Variants in SYN1 observed in about 807,000 individuals in gnomAD.
SYN1 encodes synapsin-1.
SYN1 carries 8 observed loss-of-function variants against 44.6 expected under a neutral mutation model. That is an observed-to-expected ratio of 0.18 (90% CI 0.11 to 0.32). The LOEUF (loss-of-function observed/expected upper bound fraction) is 0.32. SYN1 is among the 10% of genes least tolerant of loss of function. The pLI is 1.00. For missense variants in SYN1, 451 were observed against 639.4 expected, an observed-to-expected ratio of 0.71 and a Z score of 3.18; for synonymous variants, 275 against 280.1, an observed-to-expected ratio of 0.98 and a Z score of 0.18.
intron 1 of SYN1, among the ~76,000 whole-genome samples, chrX:47,609,342 C>T (rs1045204002): frequency 7.2e-5 from 8 of 111,855 alleles, no homozygotes; most frequent in Non-Finnish European, 1.1e-4. Flanking sequence ...ATGGTCTGGT[C>T]TATGAAGGGA....
Position 47,586,621 on chromosome X carries a change from G to A in SYN1, c.775-9120C>T, listed in dbSNP as rs141512610. ...GGCTCTGAAAAGGGCTTCCAGTCCCGTCACCTTGCCTGCCTGCCTCGGGAG... is the reference window on the plus strand; with the variant it reads ...GGCTCTGAAAAGGGCTTCCAGTCCCATCACCTTGCCTGCCTGCCTCGGGAG... On this transcript the variant is annotated intron_variant, in intron 5 of 12. Transcript: ENST00000295987. 8.8e-5 allele frequency: 106 copies of A among 1,210,673 alleles called. No homozygotes were observed. The highest frequency in any genetic ancestry group is 1.1e-4 in the Non-Finnish European group (95 of 895,393).
intron 5 of SYN1, chrX:47,585,030 C>T (rs760351098): frequency 1.3e-5 from 16 of 1,205,351 alleles, no homozygotes; most frequent in South Asian, 1.2e-4. Context: ...CCCCTGCCCC[C>T]GCCTCTTTCC....
At position 47,587,945 on chromosome X, in the gene SYN1, G is replaced by A. The variant is rs373525703; in HGVS notation, c.775-10444C>T. Among the ~76,000 whole-genome samples the A allele has an allele frequency of 1.7e-4, 19 of 111,496 alleles. No individual in the cohort carries two copies. The East Asian group carries it at 4.0e-3, about 23-fold the overall frequency. The stretch of plus-strand genomic sequence containing the variant: ...GACCCCCAAATTCCCTCTCATCAGA[G>A]TACCCACTGCTCTTACCAGTAAGAA... On this transcript the variant is annotated intron_variant, in intron 5 of 12. Coordinates refer to ENST00000295987, the MANE Select transcript of SYN1 (RefSeq NM_006950.3).
At chrX:47,604,863 G>T in intron 5 of SYN1, 115 bp downstream of exon 5, 6 of 711,229 alleles carry the variant, frequency 8.4e-6, no homozygotes, top group Non-Finnish European at 1.1e-5. Context: ...ATGACTCCAC[G>T]TGCACACAGC....
chrX:47,575,404 C>T, intron 9 of SYN1, 130 bp from the exon 10 acceptor site: 4 of 838,649 alleles, frequency 4.8e-6, no homozygotes, highest in Non-Finnish European at 6.8e-6. Context: ...TGATTGTGCA[C>T]GGTGAGGAAG....
In SYN1 at chrX:47,575,991, A is replaced by C. The variant is rs949905893; in HGVS notation, c.1158+140T>G. On this transcript the variant is annotated intron_variant, in intron 9 of 12. Coordinates refer to ENST00000295987, the MANE Select transcript of SYN1 (RefSeq NM_006950.3). ...CCATTGCAAGGGATGGCCCCTTCGA[A>C]AGTTCGTCAGGCACCTTACAGTGTA... 8 of 614,174 alleles carry C rather than the reference A, an allele frequency of 1.3e-5. No homozygotes were observed. In the Admixed American group the frequency reaches 1.3e-4, roughly 10 times the overall value. 50.6% of individuals were successfully genotyped at this position (614,174 alleles called of 1,213,427 possible). A position where few individuals can be genotyped will look rare whatever the true frequency, so the allele number is the denominator to read the frequency against.
intron 5 of SYN1, among the ~76,000 whole-genome samples, chrX:47,603,694 G>C (rs1399175356): frequency 1.8e-5 from 2 of 110,077 alleles, no homozygotes; most frequent in African/African-American, 6.6e-5. Context: ...AGTCAAAACA[G>C]GTACTTATAA....
At chrX:47,575,056 A>G in intron 10 of SYN1, 72 bp downstream of exon 10, 1 of 1,136,322 alleles carries the variant, frequency 8.8e-7, no homozygotes, top group Non-Finnish European at 1.2e-6. Flanking sequence ...TATCAGCTTC[A>G]TGGCACAGCA....
intron 5 of SYN1, among the ~76,000 whole-genome samples, chrX:47,603,009 A>G (rs1312239105): frequency 1.9e-5 from 2 of 107,065 alleles, no homozygotes; most frequent in South Asian, 3.8e-4. Flanking sequence ...TTTTAATATT[A>G]GTGATTTTTT....
intron 5 of SYN1, among the ~76,000 whole-genome samples, chrX:47,601,599 A>G (rs752567106): frequency 9.0e-6 from 1 of 111,639 alleles, no homozygotes; most frequent in East Asian, 2.8e-4. Context: ...TCAAAAAAAG[A>G]AAAAAAATTA....
intron 10 of SYN1, 87 bp downstream of exon 10, chrX:47,575,039 TAC>T: frequency 9.0e-7 from 1 of 1,105,968 alleles, no homozygotes; most frequent in South Asian, 2.0e-5. Flanking sequence ...GCTGTGAGCC[TAC>T]AGATTATCAG....
chrX:47,593,938 T>C (rs1408156638), intron 5 of SYN1, among the ~76,000 whole-genome samples: 1 of 112,222 alleles, frequency 8.9e-6, no homozygotes, highest in African/African-American at 3.2e-5. Flanking sequence ...AATATAAAAT[T>C]AAATCAGCAT....
intron 1 of SYN1, 55 bp downstream of exon 1, chrX:47,619,297 A>G (rs2057940229): frequency 2.5e-6 from 3 of 1,195,718 alleles, no homozygotes; most frequent in Non-Finnish European, 3.4e-6. Context: ...GCTCATTCGC[A>G]GAAGAACGAT....
intron 5 of SYN1, among the ~76,000 whole-genome samples, chrX:47,588,908 A>G (rs5905615): frequency 0.47 from 51,451 of 109,775 alleles, 8,774 homozygotes; most frequent in South Asian, 0.52. Context: ...TTAAACATGG[A>G]CGTCACAGTC....
chrX:47,579,732 T>G (rs1238439293), intron 5 of SYN1, among the ~76,000 whole-genome samples: 1 of 111,594 alleles, frequency 9.0e-6, no homozygotes, highest in African/African-American at 3.3e-5. Context: ...CTGCCCTCAC[T>G]TCTCCCTCGG....
At chrX:47,576,088 A>T (rs2057776627) in intron 9 of SYN1, 43 bp downstream of exon 9, 2 of 1,140,504 alleles carry the variant, frequency 1.8e-6, no homozygotes, top group African/African-American at 3.6e-5. Context: ...GCTGCCTGGC[A>T]TCTGTTCCTC....
At chrX:47,584,007 T>A (rs2057811509) in intron 5 of SYN1, among the ~76,000 whole-genome samples, 2 of 111,335 alleles carry the variant, frequency 1.8e-5, no homozygotes, top group Admixed American at 1.9e-4. Flanking sequence ...GAATATAGCA[T>A]GGGCCAGTGG....
rs188570019 is a variant in SYN1 at position 47,605,893 on chromosome X, A to T, written c.528-514T>A. Among the ~76,000 whole-genome samples, 758 of 106,409 alleles carry T rather than the reference A, an allele frequency of 7.1e-3. 27 individuals carry two copies. The East Asian group carries it at 0.12, about 17-fold the overall frequency. 92.4% of individuals were successfully genotyped at this position (106,409 alleles called of 115,157 possible). ...ACATCTGCTTTAGTGCTATATATAT[A>T]TTTTTTTCTTTTTTTTTTTTCTGTT... On this transcript the variant is annotated intron_variant, in intron 3 of 12. Transcript: ENST00000295987.
At chrX:47,581,307 C>T (rs1017007999) in intron 5 of SYN1, among the ~76,000 whole-genome samples, 9 of 112,359 alleles carry the variant, frequency 8.0e-5, no homozygotes, top group Non-Finnish European at 1.5e-4. Context: ...ATTGATCTAT[C>T]CTCCTCGAAT....
Sources: allele counts gnomAD v4.1 joint callset (sites outside exome capture counted in the v4.1 genomes callset), GRCh38; gene constraint gnomAD v4.1.1; transcripts MANE v1.5; gene names NCBI Gene and HGNC (gene_info 2026-07-23, HGNC 2026-07-21).